VWF: variants seen among roughly 807,000 people sequenced by gnomAD.
VWF encodes the protein Factor VIII related antigen.
Under a neutral mutation model 308.6 loss-of-function variants are expected in VWF, and 176 were observed. The observed-to-expected ratio is 0.57, with a 90% CI of 0.50 to 0.65. VWF has a LOEUF of 0.65. Ranked by LOEUF, VWF falls within the 30% of genes least tolerant of loss-of-function variation. The probability of loss-of-function intolerance (pLI) is 0.00; values close to 1 mark genes in which losing one functional copy is unlikely to be tolerated. For synonymous variants in VWF, 1,385 were observed against 1,443.4 expected, an observed-to-expected ratio of 0.96 and a Z score of 0.92; for missense variants, 3,146 against 3,648.2, an observed-to-expected ratio of 0.86 and a Z score of 3.55.
chr12:6,079,566 C>T (rs1470112815), intron 6 of VWF, among the ~76,000 whole-genome samples: 1 of 151,122 alleles, frequency 6.6e-6, no homozygotes, highest in Non-Finnish European at 1.5e-5. Flanking sequence ...GCTGAGATCG[C>T]ACCACTGCAC....
At chr12:6,111,048 G>T (rs567622015) in intron 3 of VWF, 80 bp from the exon 4 acceptor site, 10 of 1,338,266 alleles carry the variant, frequency 7.5e-6, no homozygotes, top group Non-Finnish European at 8.6e-6. Context: ...CATTATCTAC[G>T]TAACCTTTTC....
intron 6 of VWF, among the ~76,000 whole-genome samples, chr12:6,089,091 T>C (rs1271188227): frequency 6.6e-6 from 1 of 152,166 alleles, no homozygotes; most frequent in African/African-American, 2.4e-5. Flanking sequence ...CGAACGGCCC[T>C]TGGAGCCACA....
chr12:6,112,779 T>C (rs1301985318), intron 3 of VWF, among the ~76,000 whole-genome samples: 8 of 151,958 alleles, frequency 5.3e-5, no homozygotes, highest in African/African-American at 1.9e-4. Context: ...AGCAGGGCTC[T>C]GGGCTGAACT....
intron 47 of VWF, among the ~76,000 whole-genome samples, chr12:5,961,806 G>C (rs1285485251): frequency 6.6e-6 from 1 of 152,068 alleles, no homozygotes; most frequent in East Asian, 1.9e-4. Flanking sequence ...TCATTGCAGA[G>C]AAAAATTAAA....
At chr12:6,092,625 G>GAGAGAC (rs1309309133) in intron 6 of VWF, among the ~76,000 whole-genome samples, 2 of 108,588 alleles carry the variant, frequency 1.8e-5, no homozygotes, top group Non-Finnish European at 4.0e-5. Flanking sequence ...GAGAGTGTGT[G>GAGAGAC]TGTGTGTGTG....
chr12:6,075,122 A>C lies in VWF; in HGVS notation c.874+213T>G, dbSNP rs904299465. Among the ~76,000 whole-genome samples, 1 of 127,642 alleles carries C rather than the reference A, an allele frequency of 7.8e-6. No individual in the cohort carries two copies. Among genetic ancestry groups the C allele is most frequent in the Non-Finnish European group, 1.7e-5 (1 of 59,526 alleles). 83.7% of individuals were successfully genotyped at this position (127,642 alleles called of 152,430 possible). On this transcript the variant is annotated intron_variant, in intron 7 of 51. Transcript: ENST00000261405. This position sits in a 1 kb window ranked among gnomAD's most constrained non-coding sequence, Gnocchi z 4.7. ...GGAGGCGTGGGGGCGGGACGGAGGC[A>C]GGGGCAGGACACGGGGCTTTGGGAA...
At chr12:6,034,651 A>C in intron 20 of VWF, 37 bp downstream of exon 20, 2 of 1,613,498 alleles carry the variant, frequency 1.2e-6, no homozygotes, top group Non-Finnish European at 1.7e-6. Flanking sequence ...CCTCCTAGAA[A>C]GAAACAGCAC....
At chr12:6,027,294 C>T (rs1188263779) in intron 22 of VWF, among the ~76,000 whole-genome samples, 1 of 152,234 alleles carries the variant, frequency 6.6e-6, no homozygotes, top group East Asian at 1.9e-4. Context: ...CTTGTTCCGT[C>T]TGCCTAAACT....
intron 47 of VWF, among the ~76,000 whole-genome samples, chr12:5,959,706 G>A (rs1943290094): frequency 6.6e-6 from 1 of 151,790 alleles, no homozygotes; most frequent in Non-Finnish European, 1.5e-5. Flanking sequence ...CAACAATAAA[G>A]TATTGAAAAA....
intron 44 of VWF, 118 bp from the exon 45 acceptor site, chr12:5,969,509 G>A: frequency 1.6e-6 from 2 of 1,241,540 alleles, no homozygotes; most frequent in Non-Finnish European, 2.3e-6. Context: ...GGCTTAACAT[G>A]TAAGTCCCAC....
intron 5 of VWF, among the ~76,000 whole-genome samples, chr12:6,105,501 T>C (rs1345915430): frequency 6.6e-6 from 1 of 152,160 alleles, no homozygotes; most frequent in Non-Finnish European, 1.5e-5. Context: ...GTGCTGGGAT[T>C]ACAGGATTAC....
chr12:6,120,624 T>C (rs1018892733), intron 3 of VWF, among the ~76,000 whole-genome samples: 2 of 152,102 alleles, frequency 1.3e-5, no homozygotes, highest in Non-Finnish European at 2.9e-5. Flanking sequence ...TTTTATTGTC[T>C]GTCAGGCCTT....
chr12:5,988,038 G>A (rs752881751), intron 38 of VWF, among the ~76,000 whole-genome samples: 1 of 152,198 alleles, frequency 6.6e-6, no homozygotes, highest in Non-Finnish European at 1.5e-5. Context: ...CAGTAAGAGT[G>A]CAAAAGGAGA....
In VWF at chr12:6,020,341, C is replaced by A. The variant is rs562826847; in HGVS notation, c.3675-598G>T. Among the ~76,000 whole-genome samples, 6 of 152,336 alleles carry A rather than the reference C, an allele frequency of 3.9e-5. No individual in the cohort carries two copies. The highest frequency in any genetic ancestry group is 1.2e-4 in the African/African-American group (5 of 41,574). On this transcript the variant is annotated intron_variant, in intron 27 of 51. Transcript: ENST00000261405. The surrounding 1 kb of genome is among the most constrained non-coding windows in gnomAD (Gnocchi z 4.3). ...GATTCAAAACCCCAGCTTTATCTAG[C>A]AGAACAAATTATTTGGGAGTAGCAG...
chr12:6,108,294 TAA>T (rs755454409), intron 5 of VWF, among the ~76,000 whole-genome samples: 24 of 114,474 alleles, frequency 2.1e-4, no homozygotes, highest in Admixed American at 3.7e-4. Context: ...ACTCTGTCTT[TAA>T]AAAAAAAAAA....
At chr12:6,033,277 G>GA (rs1944293231) in intron 20 of VWF, among the ~76,000 whole-genome samples, 1 of 152,234 alleles carries the variant, frequency 6.6e-6, no homozygotes, top group African/African-American at 2.4e-5. Flanking sequence ...GAGGATGGCA[G>GA]AAAGGGGAGG....
chr12:6,072,867 T>A (rs1448693398), intron 8 of VWF, among the ~76,000 whole-genome samples: 2 of 72,138 alleles, frequency 2.8e-5, no homozygotes, highest in Non-Finnish European at 5.3e-5. Context: ...TCACTCTCAA[T>A]AACTTTTTTT....
At chr12:6,006,117 G>A (rs189652441) in intron 34 of VWF, among the ~76,000 whole-genome samples, 1 of 152,252 alleles carries the variant, frequency 6.6e-6, no homozygotes, top group African/African-American at 2.4e-5. Flanking sequence ...TGTAAAGTGG[G>A]GGAGAGGCAG....
Position 5,971,721 on chromosome 12 carries a change from GA to G in VWF, c.7438-13del. On this transcript the variant is annotated splice_polypyrimidine_tract_variant and intron_variant, in intron 43 of 51. Coordinates refer to ENST00000261405, the MANE Select transcript of VWF (RefSeq NM_000552.5). ...ACGTAAGTGAAGCCCTGGAAAAGCA[GA>G]AAAAACAGAGTAAGGACAGGCCAGC... The G allele has an allele frequency of 6.2e-7, 1 of 1,612,446 alleles. No homozygotes were observed. The highest frequency in any genetic ancestry group is 8.5e-7 in the Non-Finnish European group (1 of 1,178,550).
Sources: allele counts gnomAD v4.1 joint callset (sites outside exome capture counted in the v4.1 genomes callset), GRCh38; gene constraint gnomAD v4.1.1; non-coding constraint Gnocchi (gnomAD v3.1); transcripts MANE v1.5; gene names NCBI Gene and HGNC (gene_info 2026-07-23, HGNC 2026-07-21).